FOXP2: variants seen among roughly 807,000 people sequenced by gnomAD.
FOXP2 encodes forkhead box P2.
A neutral mutation model predicts 115.8 loss-of-function variants in FOXP2; 12 were observed. The ratio of observed to expected loss-of-function variants is 0.10; its 90% CI spans 0.07 to 0.17. The LOEUF (loss-of-function observed/expected upper bound fraction) is 0.17. Among genes scored for constraint, FOXP2 ranks in the 10% least tolerant of loss-of-function variants. The probability of loss-of-function intolerance (pLI) is 1.00; values close to 1 mark genes in which losing one functional copy is unlikely to be tolerated. For missense variants in FOXP2, 629 were observed against 843.5 expected (o/e 0.75, Z 3.15); for synonymous variants, 328 against 297.7 (o/e 1.10, Z -1.05).
At chr7:114,278,977 T>A (rs895982991) in intron 1 of FOXP2, among the ~76,000 whole-genome samples, 1 of 152,130 alleles carries the variant, frequency 6.6e-6, no homozygotes, top group African/African-American at 2.4e-5. Flanking sequence ...TTTTATTTTA[T>A]GAAAAATAAA....
chr7:114,654,721 A>G lies in FOXP2; in HGVS notation c.1266+712A>G, dbSNP rs115301889. The stretch of plus-strand genomic sequence containing the variant: ...AGCTGATGTTTGCACAGAAACTTAG[A>G]GTAATCAACTGGGTAACTCTAGTTT... On this transcript the variant is annotated intron_variant, in intron 10 of 16. Coordinates refer to ENST00000350908, the MANE Select transcript of FOXP2 (RefSeq NM_014491.4). Among the ~76,000 whole-genome samples the G allele has an allele frequency of 5.5e-3, 833 of 152,280 alleles. 10 individuals are homozygous for G. Among genetic ancestry groups the G allele is most frequent in the African/African-American group, 0.019 (785 of 41,568 alleles).
intron 2 of FOXP2, among the ~76,000 whole-genome samples, chr7:114,292,975 G>A (rs138636015): frequency 5.3e-5 from 8 of 152,096 alleles, no homozygotes; most frequent in South Asian, 2.1e-4. Flanking sequence ...TATATACCTC[G>A]AATAACCCTT....
chr7:114,289,698 T>A (rs1425298519), intron 2 of FOXP2, among the ~76,000 whole-genome samples: 1 of 151,926 alleles, frequency 6.6e-6, no homozygotes, highest in African/African-American at 2.4e-5. Flanking sequence ...TTGAAGTTAG[T>A]CCTCAAACTG....
In FOXP2 at chr7:114,570,098, T is replaced by TA. The variant is rs950303437; in HGVS notation, c.258+35398dup. Among the ~76,000 whole-genome samples the TA allele has an allele frequency of 3.3e-5, 5 of 151,890 alleles. No homozygotes were observed. The East Asian group carries it at 7.7e-4, about 24-fold the overall frequency. On this transcript the variant is annotated intron_variant, in intron 3 of 16. Transcript: ENST00000350908. Reference sequence around the variant, plus strand: ...TTTGAAATGTCTAATGCTACTTAGGTAAAAAATGACATTCCATGTCATTTA... The same window carrying TA: ...TTTGAAATGTCTAATGCTACTTAGGTAAAAAAATGACATTCCATGTCATTTA...
chr7:114,521,712 G>C (rs1798634713), intron 2 of FOXP2, among the ~76,000 whole-genome samples: 1 of 151,786 alleles, frequency 6.6e-6, no homozygotes, highest in South Asian at 2.1e-4. Flanking sequence ...AAGAGGTAAA[G>C]AATATATTGT....
chr7:114,280,092 A>G (rs1796290412), intron 1 of FOXP2, among the ~76,000 whole-genome samples: 1 of 150,298 alleles, frequency 6.7e-6, no homozygotes, highest in Non-Finnish European at 1.5e-5. Context: ...AAATAAATAA[A>G]TAAATAAATA....
chr7:114,505,314 G>T (rs377676698), intron 2 of FOXP2, among the ~76,000 whole-genome samples: 1 of 151,392 alleles, frequency 6.6e-6, no homozygotes, highest in South Asian at 2.1e-4. Flanking sequence ...ATTAAGACAG[G>T]TCAGCAGGAT....
intron 2 of FOXP2, among the ~76,000 whole-genome samples, chr7:114,459,700 C>G (rs980440962): frequency 2.0e-5 from 3 of 151,866 alleles, no homozygotes; most frequent in Non-Finnish European, 2.9e-5. Flanking sequence ...ACAGCAACCT[C>G]CATCTCCCGG....
intron 1 of FOXP2, chr7:114,287,918 G>A (rs371465693): frequency 6.9e-6 from 2 of 291,794 alleles, no homozygotes; most frequent in East Asian, 1.8e-4. Flanking sequence ...TTATTTTAAA[G>A]GATGAATATG....
At chr7:114,676,222 C>G (rs1034082480) in intron 16 of FOXP2, among the ~76,000 whole-genome samples, 1 of 151,912 alleles carries the variant, frequency 6.6e-6, no homozygotes, top group Non-Finnish European at 1.5e-5. Flanking sequence ...AGCCACTGTA[C>G]CCGGCCTAAA....
chr7:114,362,720 T>G (rs1791783328), intron 2 of FOXP2, among the ~76,000 whole-genome samples: 2 of 152,026 alleles, frequency 1.3e-5, no homozygotes, highest in African/African-American at 4.8e-5. Flanking sequence ...TCAGTAAGCA[T>G]ATGCTATAAA....
chr7:114,294,230 T>C (rs1796680025), intron 2 of FOXP2, among the ~76,000 whole-genome samples: 1 of 152,212 alleles, frequency 6.6e-6, no homozygotes, highest in Non-Finnish European at 1.5e-5. Flanking sequence ...TGCTTACTCA[T>C]GACTGCGTAC....
At chr7:114,573,156 T>A (rs976717751) in intron 3 of FOXP2, among the ~76,000 whole-genome samples, 2 of 151,838 alleles carry the variant, frequency 1.3e-5, no homozygotes, top group African/African-American at 4.8e-5. Flanking sequence ...ATACTTCATC[T>A]TGGTCATTGA....
At chr7:114,241,495 T>C (rs1165548182) in intron 1 of FOXP2, among the ~76,000 whole-genome samples, 1 of 152,068 alleles carries the variant, frequency 6.6e-6, no homozygotes, top group East Asian at 1.9e-4. Flanking sequence ...TTAATTCTAT[T>C]GGACAGAATA....
intron 2 of FOXP2, among the ~76,000 whole-genome samples, chr7:114,377,179 C>T (rs113511136): frequency 1.5e-4 from 23 of 152,068 alleles, no homozygotes; most frequent in Admixed American, 3.3e-4. Context: ...CATTACTGTG[C>T]GATTTCTAGC....
chr7:114,389,850 C>G (rs1792543984), intron 2 of FOXP2, among the ~76,000 whole-genome samples: 2 of 151,614 alleles, frequency 1.3e-5, no homozygotes, highest in South Asian at 4.2e-4. Flanking sequence ...ATGGTGAAAC[C>G]CTGTCTCTAC....
At chr7:114,590,304 T>C (rs933220113) in intron 3 of FOXP2, among the ~76,000 whole-genome samples, 1 of 152,184 alleles carries the variant, frequency 6.6e-6, no homozygotes, top group African/African-American at 2.4e-5. Context: ...AGTGAGGCTG[T>C]AATAAAAATT....
Position 114,341,973 on chromosome 7 carries a change from G to A in FOXP2, c.-11+53864G>A, listed in dbSNP as rs185365542. On this transcript the variant is annotated intron_variant, in intron 2 of 17. Transcript: ENST00000634411. ...GGAATTTAGGGTTCTATTCCTGTCC[G>A]GGGACCCAACCTTCTTTATGCCTCA... is the stretch of plus-strand genomic sequence containing the variant. Among the ~76,000 whole-genome samples the A allele has an allele frequency of 6.5e-4, 99 of 151,332 alleles. 1 individual carries two copies. Among genetic ancestry groups the A allele is most frequent in the Non-Finnish European group, 6.8e-4 (46 of 67,480 alleles).
intron 1 of FOXP2, among the ~76,000 whole-genome samples, chr7:114,133,646 G>T (rs1791950810): frequency 6.6e-6 from 1 of 152,176 alleles, no homozygotes; most frequent in Non-Finnish European, 1.5e-5. Flanking sequence ...TGGGAGGTGG[G>T]ATCTAGTGGG....
Sources: gnomAD v4.1 joint callset for allele counts (sites outside exome capture counted in the v4.1 genomes callset) on GRCh38, gnomAD v4.1.1 for gene constraint, MANE v1.5 for transcripts, NCBI Gene and HGNC (gene_info 2026-07-23, HGNC 2026-07-21) for gene names.